MRPS35: variants seen among roughly 807,000 people sequenced by gnomAD.
The protein encoded by MRPS35 is mitochondrial ribosomal protein S35.
MRPS35 carries 29 observed loss-of-function variants against 32.7 expected under a neutral mutation model. The ratio of observed to expected loss-of-function variants is 0.89; its 90% confidence interval spans 0.66 to 1.21. The LOEUF is 1.21. MRPS35 is among the 50% of genes most tolerant of loss of function. The pLI is 0.00. For synonymous variants in MRPS35, 148 were observed against 139.3 expected (o/e 1.06, Z -0.44); for missense variants, 373 against 383.8 (o/e 0.97, Z 0.23).
At chr12:27,715,096 G>A (rs914670956) in intron 2 of MRPS35, among the ~76,000 whole-genome samples, 1 of 152,186 alleles carries the variant, frequency 6.6e-6, no homozygotes, top group African/African-American at 2.4e-5. Flanking sequence ...AAGTCCTGCA[G>A]CCTGGGACTT....
intron 7 of MRPS35, among the ~76,000 whole-genome samples, chr12:27,739,230 T>C (rs1409024024): frequency 6.6e-6 from 1 of 152,236 alleles, no homozygotes; most frequent in Admixed American, 6.5e-5. Flanking sequence ...AGAGCCATCA[T>C]AAGATGCAAT....
chr12:27,727,529 C>G (rs935507790), intron 5 of MRPS35, among the ~76,000 whole-genome samples: 2 of 152,024 alleles, frequency 1.3e-5, no homozygotes, highest in African/African-American at 4.8e-5. Context: ...GGCTGTACCA[C>G]CTAGGATTGT....
intron 5 of MRPS35, among the ~76,000 whole-genome samples, chr12:27,725,869 G>A (rs928135209): frequency 2.3e-5 from 3 of 131,982 alleles, no homozygotes; most frequent in East Asian, 4.5e-4. Context: ...GCAGTGGCGC[G>A]ATCTTGGCTC....
chr12:27,744,661 T>C (rs2061976064), intron 7 of MRPS35, among the ~76,000 whole-genome samples: 1 of 152,218 alleles, frequency 6.6e-6, no homozygotes, highest in Admixed American at 6.5e-5. Flanking sequence ...ATAAACTTAC[T>C]GATGTTACAG....
intron 3 of MRPS35, among the ~76,000 whole-genome samples, chr12:27,719,590 C>T (rs1233847192): frequency 3.3e-5 from 5 of 150,072 alleles, no homozygotes; most frequent in South Asian, 2.1e-4. Flanking sequence ...GGCGTGAACC[C>T]GGGAAGCGGA....
At chr12:27,738,495 C>T (rs1287838770) in intron 7 of MRPS35, among the ~76,000 whole-genome samples, 2 of 152,078 alleles carry the variant, frequency 1.3e-5, no homozygotes, top group African/African-American at 2.4e-5. Context: ...TAAGTATGTA[C>T]ATTTATAAGG....
chr12:27,719,493 C>T (rs1292502592), intron 3 of MRPS35, among the ~76,000 whole-genome samples: 9 of 151,790 alleles, frequency 5.9e-5, no homozygotes, highest in African/African-American at 2.4e-5. Flanking sequence ...GGTGAAACCC[C>T]GTCTCTACTA....
intron 5 of MRPS35, among the ~76,000 whole-genome samples, chr12:27,733,924 A>T (rs949486626): frequency 2.0e-5 from 3 of 152,256 alleles, no homozygotes; most frequent in African/African-American, 4.8e-5. Flanking sequence ...TTATGTATTC[A>T]TTCAGCAAAT....
chr12:27,713,041 A>G (rs1188418042), intron 1 of MRPS35, among the ~76,000 whole-genome samples: 1 of 152,176 alleles, frequency 6.6e-6, no homozygotes, highest in African/African-American at 2.4e-5. Context: ...TCTGCTAAGG[A>G]TGCATTATAG....
rs557197266 is a variant in MRPS35 at position 27,721,749 on chromosome 12, C to T, written c.382+1881C>T. Among the ~76,000 whole-genome samples the T allele has an allele frequency of 2.0e-5, 3 of 152,338 alleles. No homozygotes were observed. In the East Asian group the frequency reaches 5.8e-4, roughly 29 times the overall value. The stretch of plus-strand genomic sequence containing the variant: ...TTTGATCATCTGTAAAGACAGTTAA[C>T]AAATGGCATTGCACTGTGAAAAATT... On this transcript the variant is annotated intron_variant, in intron 4 of 7. Coordinates refer to ENST00000081029, the MANE Select transcript of MRPS35 (RefSeq NM_021821.4).
intron 2 of MRPS35, among the ~76,000 whole-genome samples, chr12:27,715,448 G>A (rs1463892667): frequency 6.6e-6 from 1 of 152,306 alleles, no homozygotes; most frequent in South Asian, 2.1e-4. Context: ...TGGGATTACA[G>A]GCATGAGCCA....
intron 5 of MRPS35, 71 bp downstream of exon 5, chr12:27,724,257 T>C: frequency 7.5e-7 from 1 of 1,341,114 alleles, no homozygotes; most frequent in Non-Finnish European, 9.7e-7. Flanking sequence ...ATGTCTTTGG[T>C]GGCTGGCACA....
chr12:27,711,520 A>T (rs368535371), intron 1 of MRPS35, among the ~76,000 whole-genome samples: 1 of 152,158 alleles, frequency 6.6e-6, no homozygotes, highest in African/African-American at 2.4e-5. Context: ...AGGCGCTGTG[A>T]TAGAAGTGTG....
At chr12:27,735,297 A>G (rs1435124188) in intron 5 of MRPS35, 150 bp from the exon 6 acceptor site, 2 of 543,292 alleles carry the variant, frequency 3.7e-6, no homozygotes, top group Non-Finnish European at 6.3e-6. Flanking sequence ...AGGGTTTATA[A>G]TATGTCCCAA....
At chr12:27,719,940 T>C in intron 4 of MRPS35, 72 bp downstream of exon 4, 1 of 1,110,816 alleles carries the variant, frequency 9.0e-7, no homozygotes, top group Non-Finnish European at 1.4e-6. Context: ...TGTTCTGATA[T>C]ACTGTATAGC....
chr12:27,714,444 G>A (rs1180833485), intron 1 of MRPS35, among the ~76,000 whole-genome samples: 3 of 151,896 alleles, frequency 2.0e-5, no homozygotes, highest in Admixed American at 1.3e-4. Context: ...AAATTAGCCA[G>A]GTGTGGTGGG....
chr12:27,742,652 AG>A (rs1346166103), intron 7 of MRPS35, among the ~76,000 whole-genome samples: 1 of 152,222 alleles, frequency 6.6e-6, no homozygotes. Context: ...GGGCCAAGAA[AG>A]GAGGTGAGGC....
chr12:27,719,329 G>T (rs2061863557), intron 3 of MRPS35, among the ~76,000 whole-genome samples: 1 of 152,134 alleles, frequency 6.6e-6, no homozygotes, highest in Non-Finnish European at 1.5e-5. Flanking sequence ...TTTAAGAAGT[G>T]TATTTCTTGA....
chr12:27,755,518 T>C lies in MRPS35; in HGVS notation c.*68T>C. The C allele has an allele frequency of 7.5e-7, 1 of 1,340,458 alleles. No individual in the cohort carries two copies. The highest frequency in any genetic ancestry group is 9.9e-7 in the Non-Finnish European group (1 of 1,014,188). 83.0% of individuals were successfully genotyped at this position (1,340,458 alleles called of 1,614,324 possible). On this transcript the variant is annotated 3_prime_UTR_variant, in exon 8 of 8. Coordinates refer to ENST00000081029, the MANE Select transcript of MRPS35 (RefSeq NM_021821.4). ...TATATGTGATCAGTATCTAATTTGA[T>C]ATAAAATTGAAAATGTTAAAAAATC...
Sources: allele counts gnomAD v4.1 joint callset (sites outside exome capture counted in the v4.1 genomes callset), GRCh38; gene constraint gnomAD v4.1.1; transcripts MANE v1.5; gene names NCBI Gene and HGNC (gene_info 2026-07-23, HGNC 2026-07-21).